The following INPP4A variants were observed in gnomAD, a reference collection of about 807,000 sequenced individuals.
INPP4A encodes inositol polyphosphate-4-phosphatase type I A.
In INPP4A, 33 loss-of-function variants were observed where a neutral mutation model predicts 119.8. That is an observed-to-expected ratio of 0.28 (90% CI 0.21 to 0.37). The LOEUF is 0.37. Among genes scored for constraint, INPP4A ranks in the 10% least tolerant of loss-of-function variants. The pLI, the probability that INPP4A is intolerant of heterozygous loss-of-function variation, is 1.00. For missense variants in INPP4A, 956 were observed against 1,289.9 expected, an observed-to-expected ratio of 0.74 and a Z score of 3.97; for synonymous variants, 496 against 500.7, an observed-to-expected ratio of 0.99 and a Z score of 0.12.
At chr2:98,534,817 A>T (rs1342181213) in intron 5 of INPP4A, among the ~76,000 whole-genome samples, 1 of 152,182 alleles carries the variant, frequency 6.6e-6, no homozygotes, top group African/African-American at 2.4e-5. Context: ...AGTGGAAAGA[A>T]AGGAGCGTAT....
rs989195937 is a variant in INPP4A, at chr2:98,521,021, C to G, written c.151+290C>G. The G allele has an allele frequency of 1.0e-5, 3 of 297,246 alleles. No homozygotes were observed. The Admixed American group carries it at 1.6e-4, about 16-fold the overall frequency. 18.4% of individuals were successfully genotyped at this position (297,246 alleles called of 1,614,324 possible). On this transcript the variant is annotated intron_variant, in intron 4 of 24. Coordinates refer to ENST00000409851, the MANE Select transcript of INPP4A (RefSeq NM_001134225.2). ...GACAGGGAGGTGAGCCCACCTAGAG[C>G]TGCCAACAGAGACCCTCCCCACCCC... is the stretch of plus-strand genomic sequence containing the variant.
chr2:98,549,704 C>T (rs189670132), intron 13 of INPP4A, among the ~76,000 whole-genome samples: 1 of 152,260 alleles, frequency 6.6e-6, no homozygotes, highest in Admixed American at 6.5e-5. Context: ...CTGGAGGTGT[C>T]AGGCTCTGCT....
chr2:98,478,141 A>G (rs1574627014), intron 1 of INPP4A, among the ~76,000 whole-genome samples: 1 of 152,096 alleles, frequency 6.6e-6, no homozygotes, highest in South Asian at 2.1e-4. Flanking sequence ...GGTGGGAGGG[A>G]TGTGTGTTTA....
chr2:98,534,190 TCTG>T (rs1689767117), intron 5 of INPP4A, among the ~76,000 whole-genome samples: 1 of 152,228 alleles, frequency 6.6e-6, no homozygotes. Flanking sequence ...CGTCAACAAT[TCTG>T]CTTTCTAAGC....
chr2:98,577,427 G>A (rs999295019), intron 24 of INPP4A, among the ~76,000 whole-genome samples: 1 of 152,218 alleles, frequency 6.6e-6, no homozygotes, highest in Admixed American at 6.5e-5. Flanking sequence ...GCAGCTAAAC[G>A]GGAAGCTGGG....
chr2:98,567,558 C>T (rs1263547301), intron 21 of INPP4A, among the ~76,000 whole-genome samples: 1 of 152,190 alleles, frequency 6.6e-6, no homozygotes. Context: ...AGCTGCGGAT[C>T]CCACAGACTT....
At chr2:98,515,810 C>T (rs1169092726) in intron 1 of INPP4A, among the ~76,000 whole-genome samples, 1 of 152,172 alleles carries the variant, frequency 6.6e-6, no homozygotes, top group Admixed American at 6.5e-5. Flanking sequence ...TGAATCCTAA[C>T]ACCCCTCCCG....
intron 1 of INPP4A, among the ~76,000 whole-genome samples, chr2:98,509,316 C>T (rs1212898689): frequency 6.6e-6 from 1 of 152,220 alleles, no homozygotes; most frequent in African/African-American, 2.4e-5. Context: ...AGCTCCACTT[C>T]TTGTCAATCA....
At chr2:98,535,281 C>G (rs1433634710) in intron 5 of INPP4A, among the ~76,000 whole-genome samples, 2 of 152,230 alleles carry the variant, frequency 1.3e-5, no homozygotes, top group East Asian at 3.8e-4. Flanking sequence ...ACATAATAAA[C>G]CACTTAAGCC....
At position 98,591,582 on chromosome 2, in the gene INPP4A, C is replaced by G. The variant is rs951520377; in HGVS notation, c.*3974C>G. On this transcript the variant is annotated 3_prime_UTR_variant, in exon 25 of 25. Coordinates refer to ENST00000409851, the MANE Select transcript of INPP4A (RefSeq NM_001134225.2). ...GCTACCGTGAGCTTCTTCCTGCCCT[C>G]CCTCCGCATGCCATTCTGGTGCTGC... 2.6e-5 allele frequency: 4 copies of G among 152,176 alleles called. No homozygotes were observed. The highest frequency in any genetic ancestry group is 9.7e-5 in the African/African-American group (4 of 41,412). The allele number at this position is 152,176 out of a possible 1,614,324, so 9.4% of individuals were successfully genotyped here. A position where few individuals can be genotyped will look rare whatever the true frequency, so the allele number is the denominator to read the frequency against.
At chr2:98,512,107 C>T (rs891432168) in intron 1 of INPP4A, among the ~76,000 whole-genome samples, 3 of 152,212 alleles carry the variant, frequency 2.0e-5, no homozygotes, top group Non-Finnish European at 4.4e-5. Context: ...GTGAGAACCT[C>T]ACATGCCAAG....
chr2:98,462,440 T>G (rs1480617850), intron 1 of INPP4A, among the ~76,000 whole-genome samples: 1 of 152,124 alleles, frequency 6.6e-6, no homozygotes, highest in African/African-American at 2.4e-5. Context: ...AGATGGAGAC[T>G]CTGTCTCAAA....
chr2:98,527,493 G>C (rs1167445291), intron 4 of INPP4A, among the ~76,000 whole-genome samples: 1 of 152,222 alleles, frequency 6.6e-6, no homozygotes, highest in African/African-American at 2.4e-5. Flanking sequence ...GATATTCACA[G>C]GGAGATTTGA....
intron 17 of INPP4A, among the ~76,000 whole-genome samples, chr2:98,559,823 G>A (rs2106287562): frequency 6.6e-6 from 1 of 152,302 alleles, no homozygotes; most frequent in East Asian, 1.9e-4. Context: ...TGCAGTTTTA[G>A]AATTCTTACC....
chr2:98,462,307 G>T (rs781706103), intron 1 of INPP4A, among the ~76,000 whole-genome samples: 17 of 152,056 alleles, frequency 1.1e-4, no homozygotes, highest in Non-Finnish European at 1.9e-4. Flanking sequence ...AATTAGCTGG[G>T]CGTGGTGGCA....
chr2:98,507,654 A>G (rs1471669279), intron 1 of INPP4A, among the ~76,000 whole-genome samples: 1 of 152,042 alleles, frequency 6.6e-6, no homozygotes, highest in African/African-American at 2.4e-5. Context: ...TGGTGGCTGG[A>G]GCTGGAGAGT....
intron 17 of INPP4A, among the ~76,000 whole-genome samples, chr2:98,561,533 C>T (rs1287981999): frequency 1.3e-5 from 2 of 152,206 alleles, no homozygotes; most frequent in East Asian, 1.9e-4. Flanking sequence ...CCAGGACAAA[C>T]ATCTTAGTGC....
At chr2:98,528,652 A>T (rs895067213) in intron 4 of INPP4A, among the ~76,000 whole-genome samples, 7 of 152,246 alleles carry the variant, frequency 4.6e-5, no homozygotes, top group African/African-American at 1.7e-4. Context: ...TTAAAATAGC[A>T]AGAAAGGAGT....
At chr2:98,559,623 C>T (rs992575910) in intron 17 of INPP4A, 128 bp downstream of exon 17, 14 of 973,592 alleles carry the variant, frequency 1.4e-5, no homozygotes, top group East Asian at 5.2e-5. Flanking sequence ...GGACCTCCTT[C>T]GTTGTGAGGC....
Sources: gnomAD v4.1 joint callset for allele counts (sites outside exome capture counted in the v4.1 genomes callset) on GRCh38, gnomAD v4.1.1 for gene constraint, MANE v1.5 for transcripts, NCBI Gene and HGNC (gene_info 2026-07-23, HGNC 2026-07-21) for gene names.